Variants in MRPS35 observed in about 807,000 individuals in gnomAD.
MRPS35 encodes small ribosomal subunit protein mS35.
MRPS35 carries 29 observed loss-of-function variants against 32.7 expected under a neutral mutation model. The ratio of observed to expected loss-of-function variants is 0.89; its 90% CI spans 0.66 to 1.21. The LOEUF is 1.21. MRPS35 is among the 50% of genes most tolerant of loss of function. The probability of loss-of-function intolerance (pLI) is 0.00; values close to 1 mark genes in which losing one functional copy is unlikely to be tolerated. For synonymous variants in MRPS35, 148 were observed against 139.3 expected (o/e 1.06, Z -0.44); for missense variants, 373 against 383.8 (o/e 0.97, Z 0.23).
chr12:27,755,120 AC>A, intron 7 of MRPS35, 60 bp from the exon 8 acceptor site: 2 of 1,459,176 alleles, frequency 1.4e-6, no homozygotes, highest in Non-Finnish European at 1.8e-6. Context: ...GAAGAAACAA[AC>A]AAACATTTGA....
intron 7 of MRPS35, among the ~76,000 whole-genome samples, chr12:27,750,853 A>T (rs1328123862): frequency 1.3e-5 from 2 of 152,156 alleles, no homozygotes; most frequent in African/African-American, 2.4e-5. Flanking sequence ...CTGTAATCCC[A>T]GCACTTTGGG....
At chr12:27,736,023 TATC>T (rs1361822077) in intron 6 of MRPS35, among the ~76,000 whole-genome samples, 1 of 152,250 alleles carries the variant, frequency 6.6e-6, no homozygotes, top group African/African-American at 2.4e-5. Flanking sequence ...ATATTAAATT[TATC>T]ATATATGAAT....
At chr12:27,714,075 CAAAAAA>C (rs34481044) in intron 1 of MRPS35, among the ~76,000 whole-genome samples, 1 of 78,590 alleles carries the variant, frequency 1.3e-5, no homozygotes, top group Non-Finnish European at 2.8e-5. Context: ...GACCTTGTCT[CAAAAAA>C]AAAAAAAAAA....
chr12:27,710,987 G>A (rs2061818031), intron 1 of MRPS35, 32 bp downstream of exon 1: 1 of 1,590,392 alleles, frequency 6.3e-7, no homozygotes, highest in African/African-American at 1.3e-5. Flanking sequence ...TCTGGGCTTT[G>A]GGGGAGGTGC....
chr12:27,720,734 C>T (rs991398147), intron 4 of MRPS35, among the ~76,000 whole-genome samples: 1 of 151,742 alleles, frequency 6.6e-6, no homozygotes, highest in African/African-American at 2.4e-5. Context: ...ATGATTACAC[C>T]TTCAGTTCTG....
At chr12:27,733,033 T>G (rs1318043971) in intron 5 of MRPS35, among the ~76,000 whole-genome samples, 1 of 57,586 alleles carries the variant, frequency 1.7e-5, no homozygotes, top group African/African-American at 6.2e-5. Flanking sequence ...TATATATATA[T>G]ATATATATCC....
intron 7 of MRPS35, among the ~76,000 whole-genome samples, chr12:27,753,875 G>A (rs2062015773): frequency 6.6e-6 from 1 of 152,166 alleles, no homozygotes; most frequent in African/African-American, 2.4e-5. Flanking sequence ...CCCTAGAATA[G>A]CATGGTAATA....
intron 3 of MRPS35, among the ~76,000 whole-genome samples, chr12:27,719,597 C>T (rs954659814): frequency 2.1e-4 from 32 of 149,970 alleles, no homozygotes; most frequent in Non-Finnish European, 4.1e-4. Context: ...ACCCGGGAAG[C>T]GGAGCTTGCA....
chr12:27,750,459 A>G (rs2061997492), intron 7 of MRPS35, among the ~76,000 whole-genome samples: 2 of 152,184 alleles, frequency 1.3e-5, no homozygotes, highest in Non-Finnish European at 2.9e-5. Flanking sequence ...ATTATCTTGG[A>G]ATTCTTATTC....
At chr12:27,741,604 T>C (rs1158708082) in intron 7 of MRPS35, among the ~76,000 whole-genome samples, 3 of 152,206 alleles carry the variant, frequency 2.0e-5, no homozygotes, top group African/African-American at 4.8e-5. Context: ...AGGATGTGTA[T>C]CCTACTCACA....
chr12:27,731,000 C>T (rs1217159688), intron 5 of MRPS35, among the ~76,000 whole-genome samples: 1 of 152,156 alleles, frequency 6.6e-6, no homozygotes, highest in Non-Finnish European at 1.5e-5. Context: ...TTTGTTCATT[C>T]TCCCCTATTT....
Position 27,710,927 on chromosome 12 carries a change from G to T in MRPS35, c.84G>T (p.Ser28=), listed in dbSNP as rs145435105. Residue 28 remains serine, a synonymous_variant, in exon 1 of 8, where the codon TCG becomes TCT. Coordinates refer to ENST00000081029, the MANE Select transcript of MRPS35 (RefSeq NM_021821.4). ...TLRAFSTAVY[S]ATPVPTPSLP... ...GTGCATTCTCCACTGCCGTCTACTC[G>T]GCCACTCCGGTCCCGACACCTAGCC... The T allele has an allele frequency of 1.7e-5, 28 of 1,613,128 alleles. No individual in the cohort carries two copies. Among genetic ancestry groups the T allele is most frequent in the African/African-American group, 2.7e-5 (2 of 74,920 alleles).
At chr12:27,712,443 C>G (rs1304374925) in intron 1 of MRPS35, among the ~76,000 whole-genome samples, 2 of 152,160 alleles carry the variant, frequency 1.3e-5, no homozygotes, top group Admixed American at 6.5e-5. Context: ...TCACTGGCTG[C>G]TTTACTGGGG....
At chr12:27,739,602 A>G (rs1287706476) in intron 7 of MRPS35, among the ~76,000 whole-genome samples, 2 of 152,224 alleles carry the variant, frequency 1.3e-5, no homozygotes, top group Admixed American at 1.3e-4. Context: ...CAACATCAGA[A>G]TAGCAGTTAA....
At chr12:27,739,743 A>G (rs1305340802) in intron 7 of MRPS35, among the ~76,000 whole-genome samples, 1 of 152,246 alleles carries the variant, frequency 6.6e-6, no homozygotes, top group Non-Finnish European at 1.5e-5. Flanking sequence ...AATAACTAAC[A>G]ATAAATACAA....
rs1476891986 is a variant in MRPS35, at chr12:27,755,299, A to G, written c.821A>G (p.Lys274Arg). The G allele has an allele frequency of 1.2e-6, 2 of 1,612,850 alleles. No homozygotes were observed. Among genetic ancestry groups the G allele is most frequent in the Non-Finnish European group, 1.7e-6 (2 of 1,179,824 alleles). Residue 274 changes from lysine to arginine, a missense_variant, in exon 8 of 8, where the codon AAA becomes AGA. Physicochemically the swap from Lys to Arg is conservative, Grantham distance 26 (BLOSUM62 2). Coordinates refer to ENST00000081029, the MANE Select transcript of MRPS35 (RefSeq NM_021821.4). ...ETLLQMKAAE[K>R]NMEINKEELL... ...CTTCTCCAGATGAAAGCTGCTGAGA[A>G]AAATATGGAAATAAATAAAGAAGAG...
In MRPS35 at chr12:27,735,433, T is replaced by C; in HGVS notation, c.523-14T>C. 1 of 1,552,190 alleles carries C rather than the reference T, an allele frequency of 6.4e-7. No homozygotes were observed. The highest frequency in any genetic ancestry group is 1.9e-5 in the Admixed American group (1 of 53,326). On this transcript the variant is annotated splice_polypyrimidine_tract_variant and intron_variant, in intron 5 of 7. Transcript: ENST00000081029. ...ATGAAATTATTTTTTCAAATAACTT[T>C]TCTTATTTTTAAGGTAAAGCTTTCC...
At chr12:27,749,995 A>C (rs1404520844) in intron 7 of MRPS35, among the ~76,000 whole-genome samples, 3 of 152,246 alleles carry the variant, frequency 2.0e-5, no homozygotes, top group Non-Finnish European at 4.4e-5. Flanking sequence ...AGCAAAACTT[A>C]GCTGCCTCAG....
intron 7 of MRPS35, among the ~76,000 whole-genome samples, chr12:27,747,142 A>G (rs2061984196): frequency 1.3e-5 from 2 of 152,222 alleles, no homozygotes. Flanking sequence ...TACTTTAGCC[A>G]TAATGAACAT....
Sources: gnomAD v4.1 joint callset for allele counts (sites outside exome capture counted in the v4.1 genomes callset) on GRCh38, gnomAD v4.1.1 for gene constraint, MANE v1.5 for transcripts, NCBI Gene and HGNC (gene_info 2026-07-23, HGNC 2026-07-21) for gene names.